Variants in LRRD1 observed in about 807,000 individuals in gnomAD.
The protein encoded by LRRD1 is leucine rich repeats and death domain containing 1.
LRRD1 carries 49 observed loss-of-function variants against 69.5 expected under a neutral mutation model. That is an observed-to-expected ratio of 0.70 (90% CI 0.56 to 0.89). LRRD1 has a LOEUF of 0.89. LRRD1 is among the 40% of genes least tolerant of loss of function. The pLI is 0.00. For synonymous variants in LRRD1, 303 were observed against 338.9 expected (o/e 0.89, Z 1.16); for missense variants, 853 against 956.0 (o/e 0.89, Z 1.42).
At chr7:92,172,851 A>G (rs561909986) in intron 1 of LRRD1, among the ~76,000 whole-genome samples, 1 of 152,224 alleles carries the variant, frequency 6.6e-6, no homozygotes, top group East Asian at 1.9e-4. Flanking sequence ...CAATCCTATA[A>G]TTTATATGGA....
chr7:92,160,090 T>C (rs1340793324), intron 2 of LRRD1, among the ~76,000 whole-genome samples: 2 of 152,198 alleles, frequency 1.3e-5, no homozygotes, highest in South Asian at 2.1e-4. Context: ...AAATTCCTAC[T>C]ATAAAAAGTG....
intron 1 of LRRD1, among the ~76,000 whole-genome samples, chr7:92,165,720 A>T (rs1010527253): frequency 1.3e-4 from 20 of 151,900 alleles, no homozygotes; most frequent in African/African-American, 4.8e-4. Flanking sequence ...AATTAGCTGG[A>T]TGTGGTAGCG....
Position 92,144,977 on chromosome 7 carries a change from G to C in LRRD1, c.2494C>G (p.Leu832Val). ...CCTATCATAGTTAGTGCTCGAATTAGTTGATCTCTTAAAGCAGCAGCAGTT... is the reference window on the plus strand; with the variant it reads ...CCTATCATAGTTAGTGCTCGAATTACTTGATCTCTTAAAGCAGCAGCAGTT... ...SLTAAALRDQ[L>V]IRALTMIGAY... The change falls in exon 6 of 6, where the codon CTA becomes GTA. Residue 832 changes from leucine to valine, a missense_variant. Coordinates refer to ENST00000458448, the MANE Select transcript of LRRD1 (RefSeq NM_001161528.2). The C allele has an allele frequency of 6.5e-7, 1 of 1,545,928 alleles. No individual in the cohort carries two copies. Among genetic ancestry groups the C allele is most frequent in the South Asian group, 1.2e-5 (1 of 83,178 alleles).
intron 1 of LRRD1, among the ~76,000 whole-genome samples, chr7:92,172,455 C>T (rs1789077128): frequency 6.6e-6 from 1 of 151,930 alleles, no homozygotes; most frequent in South Asian, 2.1e-4. Flanking sequence ...AAAGACTCCA[C>T]TAAAAAATTT....
chr7:92,170,288 A>G (rs1789025482), intron 1 of LRRD1, among the ~76,000 whole-genome samples: 1 of 152,336 alleles, frequency 6.6e-6, no homozygotes, highest in African/African-American at 2.4e-5. Flanking sequence ...ATTGATATCC[A>G]AGAGGGAGCT....
chr7:92,142,354 G>T (rs894158254), downstream of LRRD1: 1 of 424,608 alleles, frequency 2.4e-6, no homozygotes, highest in Non-Finnish European at 4.7e-6. Flanking sequence ...TATGGGGATT[G>T]AGGATCAGAC....
chr7:92,151,698 C>T (rs1820470826), intron 3 of LRRD1, among the ~76,000 whole-genome samples: 1 of 152,040 alleles, frequency 6.6e-6, no homozygotes, highest in Non-Finnish European at 1.5e-5. Flanking sequence ...CCTGTAATCC[C>T]AGCACTTTGG....
chr7:92,157,145 C>T (rs1788677596), intron 3 of LRRD1, among the ~76,000 whole-genome samples: 1 of 151,162 alleles, frequency 6.6e-6, no homozygotes, highest in Admixed American at 6.6e-5. Flanking sequence ...ATCCTCCTGC[C>T]TATGTCTCCC....
intron 1 of LRRD1, among the ~76,000 whole-genome samples, chr7:92,175,175 T>G (rs1456843237): frequency 6.6e-6 from 1 of 152,262 alleles, no homozygotes; most frequent in East Asian, 1.9e-4. Context: ...CTGTTTTTAC[T>G]ATGGCTGAGT....
intron 2 of LRRD1, among the ~76,000 whole-genome samples, chr7:92,159,910 C>T (rs1788761519): frequency 6.6e-6 from 1 of 152,126 alleles, no homozygotes; most frequent in Non-Finnish European, 1.5e-5. Flanking sequence ...CATGAGCTAC[C>T]TCACCAGGCC....
Position 92,165,090 on chromosome 7 carries a change from T to G in LRRD1, c.113A>C (p.Asn38Thr). The change falls in exon 2 of 6, where the codon AAT (asparagine) becomes ACT (threonine). Residue 38 changes from asparagine to threonine, a missense_variant. Physicochemically the swap from Asn to Thr is moderately conservative, Grantham distance 65. Coordinates refer to ENST00000458448, the MANE Select transcript of LRRD1 (RefSeq NM_001161528.2). ...KEPGFIKETS[N>T]LINEASDYLE... ...GTAATCAGAAGCTTCGTTTATCAAATTTGATGTTTCTTTAATAAAGCCAGG... is the reference window on the plus strand; with the variant it reads ...GTAATCAGAAGCTTCGTTTATCAAAGTTGATGTTTCTTTAATAAAGCCAGG... 1 of 1,551,638 alleles carries G rather than the reference T, an allele frequency of 6.4e-7. No individual in the cohort carries two copies. Among genetic ancestry groups the G allele is most frequent in the South Asian group, 1.2e-5 (1 of 84,054 alleles).
intron 3 of LRRD1, among the ~76,000 whole-genome samples, chr7:92,155,063 T>C (rs1788622433): frequency 6.6e-6 from 1 of 152,218 alleles, no homozygotes; most frequent in Admixed American, 6.5e-5. Context: ...TATTCGTCCT[T>C]AGCGTAGATC....
intron 3 of LRRD1, among the ~76,000 whole-genome samples, chr7:92,154,209 T>C (rs559151371): frequency 6.6e-6 from 1 of 152,040 alleles, no homozygotes; most frequent in African/African-American, 2.4e-5. Context: ...TTCAGTGTTG[T>C]ATATAAGAAA....
At chr7:92,155,339 G>C (rs1246393904) in intron 3 of LRRD1, among the ~76,000 whole-genome samples, 2 of 152,180 alleles carry the variant, frequency 1.3e-5, no homozygotes, top group Admixed American at 6.5e-5. Context: ...AACCCAGGTA[G>C]GACAGTGCAA....
downstream of LRRD1, chr7:92,141,715 A>G (rs940485773): frequency 6.6e-6 from 1 of 152,164 alleles, no homozygotes; most frequent in African/African-American, 2.4e-5. Flanking sequence ...AACAACAACC[A>G]TCATTAAGCC....
chr7:92,144,882 C>A lies in LRRD1; in HGVS notation c.*6G>T. 6.9e-7 allele frequency: 1 copy of A among 1,444,946 alleles called. No individual in the cohort carries two copies. The highest frequency in any genetic ancestry group is 9.2e-7 in the Non-Finnish European group (1 of 1,084,258). 89.5% of individuals were successfully genotyped at this position (1,444,946 alleles called of 1,614,324 possible). On this transcript the variant is annotated 3_prime_UTR_variant, in exon 6 of 6. Coordinates refer to ENST00000458448, the MANE Select transcript of LRRD1 (RefSeq NM_001161528.2). ...AAGTTTTCAGTTTTTATTATTGATC[C>A]ACTGGTTAGAATTTAATTGCACGCG...
At chr7:92,151,028 T>C (rs1322123411) in intron 3 of LRRD1, among the ~76,000 whole-genome samples, 1 of 152,260 alleles carries the variant, frequency 6.6e-6, no homozygotes, top group Non-Finnish European at 1.5e-5. Context: ...TTGCAGAGAT[T>C]GTAGCAAGTT....
At chr7:92,142,428 C>A, downstream of LRRD1, 1 of 456,692 alleles carries the variant, frequency 2.2e-6, no homozygotes, top group South Asian at 1.5e-5. Flanking sequence ...ACACACTGTG[C>A]ATGATATACC....
intron 1 of LRRD1, among the ~76,000 whole-genome samples, chr7:92,176,848 C>A (rs1244217674): frequency 2.0e-5 from 3 of 151,654 alleles, no homozygotes; most frequent in East Asian, 3.9e-4. Flanking sequence ...CAGGTGTAAG[C>A]CACCATGCCT....
Sources: gnomAD v4.1 joint callset for allele counts (sites outside exome capture counted in the v4.1 genomes callset) on GRCh38, gnomAD v4.1.1 for gene constraint, MANE v1.5 for transcripts, NCBI Gene and HGNC (gene_info 2026-07-23, HGNC 2026-07-21) for gene names.